Variants in UBE2L3 observed in about 807,000 individuals in gnomAD.
UBE2L3 encodes ubiquitin-conjugating enzyme E2 L3.
A neutral mutation model predicts 17.8 loss-of-function variants in UBE2L3; 1 was observed. The ratio of observed to expected loss-of-function variants is 0.06; its 90% CI spans 0.02 to 0.27. The LOEUF is 0.27. Ranked by LOEUF, UBE2L3 falls within the 10% of genes least tolerant of loss-of-function variation. The pLI, the probability that UBE2L3 is intolerant of heterozygous loss-of-function variation, is 1.00. For synonymous variants in UBE2L3, 44 were observed against 68.5 expected (o/e 0.64, Z 1.76); for missense variants, 40 against 192.6 (o/e 0.21, Z 4.69).
upstream of UBE2L3, chr22:21,567,711 T>A (rs1216226864): frequency 3.8e-6 from 6 of 1,572,418 alleles, no homozygotes; most frequent in Middle Eastern, 1.8e-4. Context: ...CCGGCCGCGA[T>A]GCATTCTGGG....
chr22:21,603,022 A>G (rs1366920369), intron 2 of UBE2L3, among the ~76,000 whole-genome samples: 1 of 152,156 alleles, frequency 6.6e-6, no homozygotes, highest in Non-Finnish European at 1.5e-5. Flanking sequence ...GAGGGGCGGA[A>G]TATGGGCTGG....
chr22:21,552,684 G>A, intron 1 of UBE2L3, among the ~76,000 whole-genome samples: 1 of 37,294 alleles, frequency 2.7e-5, no homozygotes, highest in South Asian at 8.3e-4. Flanking sequence ...GCAGTGTCAA[G>A]TAACAAGAAC....
intron 1 of UBE2L3, among the ~76,000 whole-genome samples, chr22:21,556,502 A>G (rs1926230647): frequency 6.6e-6 from 1 of 152,248 alleles, no homozygotes; most frequent in Non-Finnish European, 1.5e-5. Context: ...TGATCTCGGC[A>G]TACTGCAACG....
intron 1 of UBE2L3, among the ~76,000 whole-genome samples, chr22:21,556,852 G>T (rs991187420): frequency 2.6e-5 from 4 of 152,230 alleles, no homozygotes; most frequent in African/African-American, 9.7e-5. Flanking sequence ...TCAGGAGTTC[G>T]AGCCCAGCCT....
At chr22:21,600,176 G>T (rs935030019) in intron 2 of UBE2L3, among the ~76,000 whole-genome samples, 5 of 152,028 alleles carry the variant, frequency 3.3e-5, no homozygotes, top group Non-Finnish European at 2.9e-5. Context: ...AGCCGGGCCT[G>T]GTGGTGGGCG....
At chr22:21,621,406 G>A (rs1242802813) in intron 3 of UBE2L3, 109 bp from the exon 4 acceptor site, 2 of 1,359,664 alleles carry the variant, frequency 1.5e-6, no homozygotes, top group African/African-American at 3.0e-5. Context: ...AAGCACATTA[G>A]CTGTAAATCA....
chr22:21,569,054 C>T (rs1434457784), intron 1 of UBE2L3, among the ~76,000 whole-genome samples: 2 of 152,118 alleles, frequency 1.3e-5, no homozygotes, highest in African/African-American at 4.8e-5. Context: ...ACCCTACTCC[C>T]AGGTGCAGTC....
chr22:21,601,126 G>A (rs112774121), intron 2 of UBE2L3, among the ~76,000 whole-genome samples: 12,117 of 151,930 alleles, frequency 0.08, 1,678 homozygotes, highest in African/African-American at 0.28. Context: ...AGCTGAGATC[G>A]CGTCATTGCA....
upstream of UBE2L3, among the ~76,000 whole-genome samples, chr22:21,564,416 T>C (rs1239489901): frequency 6.6e-6 from 1 of 152,110 alleles, no homozygotes; most frequent in African/African-American, 2.4e-5. Context: ...GGATCGGGTA[T>C]GACTAGAAGC....
At chr22:21,588,077 A>G (rs984965860) in intron 1 of UBE2L3, among the ~76,000 whole-genome samples, 3 of 152,156 alleles carry the variant, frequency 2.0e-5, no homozygotes, top group African/African-American at 7.2e-5. Context: ...TCAGCACTGC[A>G]CCATCAGCCC....
upstream of UBE2L3, among the ~76,000 whole-genome samples, chr22:21,563,327 A>T (rs1322769053): frequency 1.3e-5 from 2 of 150,272 alleles, no homozygotes; most frequent in Non-Finnish European, 1.5e-5. Flanking sequence ...CAAGTCGGGC[A>T]GATCACGAGC....
intron 2 of UBE2L3, among the ~76,000 whole-genome samples, chr22:21,603,402 T>A (rs1049549052): frequency 1.3e-5 from 2 of 151,692 alleles, no homozygotes; most frequent in Non-Finnish European, 2.9e-5. Flanking sequence ...TTGTGGTGCA[T>A]GCCTGTAGTC....
At chr22:21,588,563 C>T (rs1405372015) in intron 1 of UBE2L3, among the ~76,000 whole-genome samples, 1 of 151,058 alleles carries the variant, frequency 6.6e-6, no homozygotes, top group Non-Finnish European at 1.5e-5. Context: ...CCTTGACTGC[C>T]AGGGCTCAGG....
At position 21,591,927 on chromosome 22, in the gene UBE2L3, C is replaced by T. The variant is rs545954347; in HGVS notation, c.28-934C>T. Among the ~76,000 whole-genome samples the T allele has an allele frequency of 3.9e-5, 6 of 152,178 alleles. No individual in the cohort carries two copies. In the East Asian group the frequency reaches 1.2e-3, roughly 29 times the overall value. ...TCAGAGTGGAGGAATGTTGGCGAGGCTGGTGTTCTGGCAGGAGGGCATTGC... is the reference window on the plus strand; with the variant it reads ...TCAGAGTGGAGGAATGTTGGCGAGGTTGGTGTTCTGGCAGGAGGGCATTGC... On this transcript the variant is annotated intron_variant, in intron 1 of 3. Coordinates refer to ENST00000342192, the MANE Select transcript of UBE2L3 (RefSeq NM_003347.4).
intron 1 of UBE2L3, chr22:21,568,047 C>T: frequency 1.6e-6 from 2 of 1,281,666 alleles, no homozygotes; most frequent in East Asian, 3.3e-5. Context: ...TGGCCGCGTC[C>T]CCCTGTCGCG....
intron 2 of UBE2L3, among the ~76,000 whole-genome samples, chr22:21,606,788 G>A (rs1031093271): frequency 6.6e-6 from 1 of 152,290 alleles, no homozygotes; most frequent in African/African-American, 2.4e-5. Context: ...AGTCAAGGCT[G>A]CAGTGAACCG....
chr22:21,598,410 T>C (rs1928671398), intron 2 of UBE2L3, among the ~76,000 whole-genome samples: 1 of 152,072 alleles, frequency 6.6e-6, no homozygotes, highest in African/African-American at 2.4e-5. Context: ...CTGAGGATAT[T>C]TTCTAATTTC....
At chr22:21,587,998 A>G (rs1928039683) in intron 1 of UBE2L3, among the ~76,000 whole-genome samples, 1 of 152,206 alleles carries the variant, frequency 6.6e-6, no homozygotes, top group South Asian at 2.1e-4. Context: ...CTGGTTGGGA[A>G]GCCTGCTGTC....
chr22:21,598,027 C>T (rs114813965), intron 2 of UBE2L3, among the ~76,000 whole-genome samples: 3,304 of 149,750 alleles, frequency 0.022, 143 homozygotes, highest in African/African-American at 0.078. Flanking sequence ...TCTTGAACTC[C>T]TAGACTCAAG....
Sources: allele counts gnomAD v4.1 joint callset (sites outside exome capture counted in the v4.1 genomes callset), GRCh38; gene constraint gnomAD v4.1.1; transcripts MANE v1.5; gene names NCBI Gene and HGNC (gene_info 2026-07-23, HGNC 2026-07-21).